DNAH12: variants seen among roughly 807,000 people sequenced by gnomAD.
DNAH12 encodes the protein dynein axonemal heavy chain 12.
A neutral mutation model predicts 371.5 loss-of-function variants in DNAH12; 285 were observed. That is an observed-to-expected ratio of 0.77 (90% confidence interval 0.70 to 0.85). DNAH12 has a LOEUF of 0.85. DNAH12 is among the 40% of genes least tolerant of loss of function. The pLI, the probability that DNAH12 is intolerant of heterozygous loss-of-function variation, is 0.00. For missense variants in DNAH12, 3,611 were observed against 3,689.4 expected (o/e 0.98, Z 0.55); for synonymous variants, 1,200 against 1,213.0 (o/e 0.99, Z 0.22).
intron 60 of DNAH12, 110 bp from the exon 61 acceptor site, chr3:57,335,050 C>A: frequency 8.8e-7 from 1 of 1,140,806 alleles, no homozygotes; most frequent in Non-Finnish European, 1.2e-6. Flanking sequence ...ACTTACCCAC[C>A]TGCTGTAAAC....
At chr3:57,408,589 G>A (rs1269042177) in intron 39 of DNAH12, 54 bp from the exon 40 acceptor site, 4 of 1,409,802 alleles carry the variant, frequency 2.8e-6, no homozygotes, top group Non-Finnish European at 3.7e-6. Context: ...ACATTAAGAT[G>A]GGATGAAATA....
At chr3:57,542,165 G>C (rs553193710) in intron 2 of DNAH12, among the ~76,000 whole-genome samples, 9 of 88,680 alleles carry the variant, frequency 1.0e-4, no homozygotes, top group South Asian at 8.3e-4. Context: ...TGGGGGGGGG[G>C]GGGGCGGTGA....
chr3:57,509,540 A>C (rs942102408), intron 5 of DNAH12, among the ~76,000 whole-genome samples: 2 of 152,076 alleles, frequency 1.3e-5, no homozygotes, highest in African/African-American at 4.8e-5. Context: ...AATTTCAGTT[A>C]GATAGGAGGG....
At chr3:57,363,228 T>C (rs1454260318) in intron 58 of DNAH12, among the ~76,000 whole-genome samples, 1 of 152,180 alleles carries the variant, frequency 6.6e-6, no homozygotes, top group Non-Finnish European at 1.5e-5. Context: ...TAGCCATATG[T>C]AGAAAGCTGA....
intron 13 of DNAH12, among the ~76,000 whole-genome samples, chr3:57,473,278 G>C (rs1269072445): frequency 6.6e-6 from 1 of 152,108 alleles, no homozygotes; most frequent in Non-Finnish European, 1.5e-5. Context: ...CCTGAGGTCA[G>C]GAGTTAGAGA....
chr3:57,515,242 C>G (rs184951166), intron 4 of DNAH12, among the ~76,000 whole-genome samples: 1 of 152,176 alleles, frequency 6.6e-6, no homozygotes, highest in African/African-American at 2.4e-5. Context: ...TTTTTAAATA[C>G]CATTCTCCAC....
rs1418876781 is a variant in DNAH12, at chr3:57,387,162, G to A, written c.7363C>T (p.Leu2455Phe). ...ATCTCTTGTTGTTCAACCTCAGTAA[G>A]CTCCAGTGTTTCTAAGAATTTCACA... The part of the protein sequence containing the change: ...VAVKFLETLE[L>F]TEVEQQEIVP... The change falls in exon 46 of 74, where the codon CTT becomes TTT. Residue 2455 changes from leucine (L) to phenylalanine (F), a missense_variant. By Grantham distance (22) the Leu-to-Phe change is conservative. Coordinates refer to ENST00000495027, the MANE Select transcript of DNAH12 (RefSeq NM_001366028.2). The A allele has an allele frequency of 1.3e-5, 2 of 152,136 alleles. No individual in the cohort carries two copies. Among genetic ancestry groups the A allele is most frequent in the African/African-American group, 4.8e-5 (2 of 41,442 alleles). 9.4% of individuals were successfully genotyped at this position (152,136 alleles called of 1,614,324 possible).
intron 7 of DNAH12, 80 bp from the exon 8 acceptor site, chr3:57,507,918 G>A (rs1285953275): frequency 6.1e-6 from 8 of 1,312,450 alleles, no homozygotes; most frequent in Non-Finnish European, 8.2e-6. Context: ...GCCGGGCTCG[G>A]TGGTTCACAC....
chr3:57,422,704 C>A (rs1158376322), intron 35 of DNAH12, among the ~76,000 whole-genome samples: 1 of 152,160 alleles, frequency 6.6e-6, no homozygotes, highest in Non-Finnish European at 1.5e-5. Flanking sequence ...AGGAATTTCT[C>A]TTGTGGGAGT....
rs1226840390 is a variant in DNAH12, at chr3:57,403,492, C to G, written c.6765G>C (p.Leu2255Phe). ...RMNLVIFRYV[L>F]EHLSRICRVL... is the part of the protein sequence containing the mutation. The stretch of plus-strand genomic sequence containing the variant: ...CTCGACATATTCTTGATAAATGTTC[C>G]AAAACATACCTACCACAAAAGAAAA... The change falls in exon 43 of 74, where the codon TTG becomes TTC. Residue 2255 changes from leucine (L) to phenylalanine (F), a missense_variant. Around this residue, in one of 3 missense-constraint regions of DNAH12, gnomAD observed 2,266 missense variants for 2,236.9 expected, o/e 1.01. Coordinates refer to ENST00000495027, the MANE Select transcript of DNAH12 (RefSeq NM_001366028.2). 3 of 1,542,490 alleles carry G rather than the reference C, an allele frequency of 1.9e-6. No individual in the cohort carries two copies. The highest frequency in any genetic ancestry group is 2.6e-6 in the Non-Finnish European group (3 of 1,143,470).
chr3:57,418,454 C>T (rs991933805), intron 37 of DNAH12, among the ~76,000 whole-genome samples: 12 of 145,432 alleles, frequency 8.3e-5, no homozygotes, highest in Admixed American at 6.3e-4. Context: ...GTGGGAGGAT[C>T]GCTAGAGCCT....
chr3:57,467,108 A>T (rs1292341552), intron 17 of DNAH12, among the ~76,000 whole-genome samples: 2 of 152,016 alleles, frequency 1.3e-5, no homozygotes, highest in Non-Finnish European at 2.9e-5. Context: ...TGATGATGAG[A>T]ATAGCTCTAT....
At chr3:57,303,109 G>A (rs145614352) in intron 69 of DNAH12, among the ~76,000 whole-genome samples, 407 of 151,508 alleles carry the variant, frequency 2.7e-3, no homozygotes, top group Middle Eastern at 0.017. Flanking sequence ...AGAGGCCGAC[G>A]CGGGTGCATC....
intron 4 of DNAH12, among the ~76,000 whole-genome samples, chr3:57,515,133 G>A (rs1040137891): frequency 3.3e-5 from 5 of 152,096 alleles, no homozygotes; most frequent in African/African-American, 1.2e-4. Flanking sequence ...GGTTTTGAGA[G>A]AGAGAGAGAG....
intron 70 of DNAH12, among the ~76,000 whole-genome samples, chr3:57,300,746 G>T (rs1030840229): frequency 4.6e-5 from 7 of 152,114 alleles, no homozygotes; most frequent in Admixed American, 6.5e-5. Context: ...AAGCTTTTGT[G>T]CAATAAAAAG....
chr3:57,474,524 G>C (rs1249566774), intron 13 of DNAH12, among the ~76,000 whole-genome samples: 2 of 152,158 alleles, frequency 1.3e-5, no homozygotes, highest in African/African-American at 4.8e-5. Flanking sequence ...TCAAACTCCT[G>C]ACATCAGGTG....
In DNAH12 at chr3:57,445,269, AT is replaced by A; in HGVS notation, c.4329del (p.Gln1443HisfsTer11). On this transcript the variant is annotated frameshift_variant, in exon 28 of 74. Transcript: ENST00000495027. LOFTEE classifies it high-confidence loss of function. ...GCTCGCATTCCATAGTCGTAATGAA[AT>A]TGCGATGAGAGCTGCTCTGAGCAAA... ...YRLCSEQLSS[Q>X]FHYDYGMRAV... The A allele has an allele frequency of 1.3e-6, 2 of 1,551,462 alleles. No individual in the cohort carries two copies. Among genetic ancestry groups the A allele is most frequent in the Non-Finnish European group, 1.7e-6 (2 of 1,146,850 alleles).
At chr3:57,386,821 C>A in intron 46 of DNAH12, among the ~76,000 whole-genome samples, 1 of 152,254 alleles carries the variant, frequency 6.6e-6, no homozygotes, top group Non-Finnish European at 1.5e-5. Context: ...AGGCACAAAT[C>A]AAGTGAGATC....
rs2062822283 is a variant in DNAH12, at chr3:57,357,306, C to T, written c.9403G>A (p.Gly3135Ser). The T allele has an allele frequency of 6.6e-6, 1 of 152,038 alleles. No individual in the cohort carries two copies. Among genetic ancestry groups the T allele is most frequent in the Non-Finnish European group, 1.5e-5 (1 of 68,014 alleles). 9.4% of individuals were successfully genotyped at this position (152,038 alleles called of 1,614,324 possible). ...GAGTGTTTGGCGATGGGTCTATAGC[C>T]TTCTCGAGACTCTGCTATTTTGAGT... ...TELKIAESREGYRPIAKHSSV... is the reference protein window; with the variant it reads ...TELKIAESRESYRPIAKHSSV... Residue 3135 changes from glycine (G) to serine (S), a missense_variant, in exon 59 of 74, where the codon GGC (glycine) becomes AGC (serine). Gly to Ser is a moderately conservative substitution (Grantham distance 56). Transcript: ENST00000495027.
Sources: allele counts gnomAD v4.1 joint callset (sites outside exome capture counted in the v4.1 genomes callset), GRCh38; gene constraint gnomAD v4.1.1; regional missense constraint gnomAD v4.1.1; transcripts MANE v1.5; gene names NCBI Gene and HGNC (gene_info 2026-07-23, HGNC 2026-07-21).